TBX5: variants seen among roughly 807,000 people sequenced by gnomAD.
TBX5 encodes T-box transcription factor 5.
Under a neutral mutation model 51.1 loss-of-function variants are expected in TBX5, and 8 were observed. The observed-to-expected ratio is 0.16, with a 90% CI of 0.09 to 0.28. The LOEUF is 0.28. Ranked by LOEUF, TBX5 falls within the 10% of genes least tolerant of loss-of-function variation. The probability of loss-of-function intolerance (pLI) is 1.00; values close to 1 mark genes in which losing one functional copy is unlikely to be tolerated. For missense variants in TBX5, 589 were observed against 671.7 expected (o/e 0.88, Z 1.36); for synonymous variants, 302 against 266.4 (o/e 1.13, Z -1.30).
rs1357583813 is a variant in TBX5 at position 114,398,733 on chromosome 12, G to C, written c.363-13C>G. ...GCCCGTCACAGACCTAGATGAAGGA[G>C]AGGTGTACTAGAGGCCTGGCTCAGA... On this transcript the variant is annotated splice_polypyrimidine_tract_variant and intron_variant, in intron 4 of 8. Coordinates refer to ENST00000405440, the MANE Select transcript of TBX5 (RefSeq NM_181486.4). 2 of 1,594,582 alleles carry C rather than the reference G, an allele frequency of 1.3e-6. No individual in the cohort carries two copies. Among genetic ancestry groups the C allele is most frequent in the African/African-American group, 1.3e-5 (1 of 74,796 alleles).
chr12:114,384,181 T>C (rs974285518), intron 7 of TBX5, among the ~76,000 whole-genome samples: 2 of 152,194 alleles, frequency 1.3e-5, no homozygotes, highest in Non-Finnish European at 1.5e-5. Flanking sequence ...GTCCACAATC[T>C]TGAAGGAAAC....
intron 6 of TBX5, among the ~76,000 whole-genome samples, chr12:114,392,849 G>A (rs1444481297): frequency 1.3e-5 from 2 of 152,100 alleles, no homozygotes; most frequent in Admixed American, 6.5e-5. Context: ...CAGGGCATTC[G>A]ACCCTCGGTT....
At chr12:114,387,470 G>A (rs541615978) in intron 6 of TBX5, among the ~76,000 whole-genome samples, 7 of 152,248 alleles carry the variant, frequency 4.6e-5, no homozygotes, top group South Asian at 4.2e-4. Context: ...GCAAAACTAC[G>A]GAGTCAGTTA....
chr12:114,407,974 C>G (rs1467913039), upstream of TBX5: 5 of 985,416 alleles, frequency 5.1e-6, no homozygotes, highest in Non-Finnish European at 6.0e-6. Flanking sequence ...CCTCCCAGCT[C>G]AAGGTTGGTT....
At chr12:114,377,951 G>A (rs74859259) in intron 7 of TBX5, among the ~76,000 whole-genome samples, 2,337 of 152,122 alleles carry the variant, frequency 0.015, 50 homozygotes, top group African/African-American at 0.053. Flanking sequence ...GCTTCAGTCT[G>A]GCTGAGACAT....
intron 4 of TBX5, 97 bp from the exon 5 acceptor site, chr12:114,398,817 G>A: frequency 7.0e-7 from 1 of 1,438,028 alleles, no homozygotes; most frequent in South Asian, 1.2e-5. Context: ...GGTGAGGGTT[G>A]TTGAGTAGTA....
At chr12:114,387,100 C>T (rs151138740) in intron 6 of TBX5, among the ~76,000 whole-genome samples, 4 of 151,348 alleles carry the variant, frequency 2.6e-5, no homozygotes, top group Non-Finnish European at 4.4e-5. Flanking sequence ...AGCAAAATTC[C>T]GTCTCAAAAA....
chr12:114,389,511 T>C (rs1255640255), intron 6 of TBX5, among the ~76,000 whole-genome samples: 3 of 150,568 alleles, frequency 2.0e-5, no homozygotes, highest in African/African-American at 4.9e-5. Context: ...TCCCAGCACT[T>C]TGGGAGGCAG....
chr12:114,369,898 C>T (rs1869761415), intron 7 of TBX5, among the ~76,000 whole-genome samples: 1 of 151,970 alleles, frequency 6.6e-6, no homozygotes, highest in South Asian at 2.1e-4. Flanking sequence ...ATATGCTTAT[C>T]CTGATTTGAT....
chr12:114,402,672 C>T (rs1360955863), intron 2 of TBX5, among the ~76,000 whole-genome samples: 2 of 152,086 alleles, frequency 1.3e-5, no homozygotes, highest in East Asian at 3.8e-4. Context: ...TGGCTTTCAG[C>T]TAAAACTAAA....
upstream of TBX5, chr12:114,408,152 G>A (rs372524573): frequency 5.1e-4 from 507 of 985,438 alleles, 3 homozygotes; most frequent in African/African-American, 8.1e-3. Context: ...TGGCTGGGGG[G>A]CAGCGGCGGG....
At chr12:114,383,450 G>T (rs1187729175) in intron 7 of TBX5, among the ~76,000 whole-genome samples, 1 of 152,188 alleles carries the variant, frequency 6.6e-6, no homozygotes, top group Non-Finnish European at 1.5e-5. Flanking sequence ...GGGTGGCCAG[G>T]CCAGATGGGA....
intron 8 of TBX5, among the ~76,000 whole-genome samples, chr12:114,357,029 T>C (rs915722212): frequency 1.8e-4 from 25 of 142,120 alleles, no homozygotes; most frequent in African/African-American, 6.4e-4. Context: ...GATGGATGGA[T>C]GCATGGATGC....
At chr12:114,400,955 G>A (rs1047848212) in intron 3 of TBX5, among the ~76,000 whole-genome samples, 1 of 152,194 alleles carries the variant, frequency 6.6e-6, no homozygotes, top group Non-Finnish European at 1.5e-5. Context: ...TCGGTGGCTT[G>A]GGCCTACCGT....
intron 8 of TBX5, among the ~76,000 whole-genome samples, chr12:114,363,689 G>A (rs1477435046): frequency 6.6e-6 from 1 of 152,168 alleles, no homozygotes; most frequent in Non-Finnish European, 1.5e-5. Flanking sequence ...CTGCAGACCA[G>A]GCTGGGGTTC....
rs779923573 is a variant in TBX5, at chr12:114,355,626, A to G, written c.1463T>C (p.Leu488Pro). The G allele has an allele frequency of 2.5e-6, 4 of 1,614,030 alleles. No homozygotes were observed. Among genetic ancestry groups the G allele is most frequent in the Non-Finnish European group, 3.4e-6 (4 of 1,180,032 alleles). The change falls in exon 9 of 9, where the codon CTC (leucine) becomes CCC (proline). Residue 488 changes from leucine (L) to proline (P), a missense_variant. By Grantham distance (98) the Leu-to-Pro change is moderately conservative. Transcript: ENST00000405440. ...AGTCCTTGGCACGCCATGAGAGTAGAGGAACTCAGGGGGCTGAAGGGTGCC... is the reference window on the plus strand; with the variant it reads ...AGTCCTTGGCACGCCATGAGAGTAGGGGAACTCAGGGGGCTGAAGGGTGCC... ...SPGTLQPPEF[L>P]YSHGVPRTLS...
intron 7 of TBX5, among the ~76,000 whole-genome samples, chr12:114,383,635 T>C (rs1265501): frequency 0.58 from 88,849 of 152,014 alleles, 26,613 homozygotes; most frequent in Admixed American, 0.72. Context: ...GGGTCTCCAT[T>C]AGTTAGGAGG....
intron 7 of TBX5, among the ~76,000 whole-genome samples, chr12:114,371,294 G>T (rs1272771073): frequency 6.6e-6 from 1 of 152,166 alleles, no homozygotes. Flanking sequence ...CGAGCTGGGG[G>T]TCCTGAGTAC....
chr12:114,383,379 G>A (rs1224965441), intron 7 of TBX5, among the ~76,000 whole-genome samples: 2 of 152,208 alleles, frequency 1.3e-5, no homozygotes, highest in Admixed American at 6.5e-5. Context: ...CAGGTTTGAA[G>A]CCTTTCCTTT....
Sources: allele counts gnomAD v4.1 joint callset (sites outside exome capture counted in the v4.1 genomes callset), GRCh38; gene constraint gnomAD v4.1.1; transcripts MANE v1.5; gene names NCBI Gene and HGNC (gene_info 2026-07-23, HGNC 2026-07-21).